Variants in ZNF670 observed in about 807,000 individuals in gnomAD.
ZNF670 encodes zinc finger protein 670.
In ZNF670, 7 loss-of-function variants were observed where a neutral mutation model predicts 10.9. That is an observed-to-expected ratio of 0.64 (90% CI 0.36 to 1.20). The LOEUF (loss-of-function observed/expected upper bound fraction) is 1.20. Among genes scored for constraint, ZNF670 ranks in the 50% most tolerant of loss-of-function variants. The probability of loss-of-function intolerance (pLI) is 0.02; values close to 1 mark genes in which losing one functional copy is unlikely to be tolerated. For missense variants in ZNF670, 446 were observed against 458.6 expected, an observed-to-expected ratio of 0.97 and a Z score of 0.25; for synonymous variants, 136 against 152.7, an observed-to-expected ratio of 0.89 and a Z score of 0.81.
At chr1:247,058,702 A>G (rs1333695399) in intron 1 of ZNF670, among the ~76,000 whole-genome samples, 1 of 140,280 alleles carries the variant, frequency 7.1e-6, no homozygotes, top group East Asian at 2.0e-4. Context: ...CTAATCCTAC[A>G]GACAGTTAAA....
chr1:247,058,125 T>C (rs1670763050), intron 1 of ZNF670, among the ~76,000 whole-genome samples: 1 of 152,194 alleles, frequency 6.6e-6, no homozygotes, highest in African/African-American at 2.4e-5. Context: ...ACCTAGTATG[T>C]ACCCACAAAA....
rs1670188973 is a variant in ZNF670, at chr1:247,037,580, T to A, written c.1039A>T (p.Thr347Ser). Residue 347 changes from threonine (T) to serine (S), a missense_variant, in exon 4 of 4, where the codon ACT becomes TCT. Thr to Ser is a moderately conservative substitution (Grantham distance 58). Coordinates refer to ENST00000366503, the MANE Select transcript of ZNF670 (RefSeq NM_033213.5). ...YGCKECGKSF[T>S]SSSALRSHER... ...TGGCTTCGAAGGGCACTGGAAGAAGTAAACGACTTACCACATTCCTTACAT... is the reference window on the plus strand; with the variant it reads ...TGGCTTCGAAGGGCACTGGAAGAAGAAAACGACTTACCACATTCCTTACAT... 6.2e-7 allele frequency: 1 copy of A among 1,614,136 alleles called. No individual in the cohort carries two copies. The highest frequency in any genetic ancestry group is 8.5e-7 in the Non-Finnish European group (1 of 1,180,008).
In ZNF670 at chr1:247,038,205, C is replaced by A. The variant is rs919806990; in HGVS notation, c.414G>T (p.Glu138Asp). 5 of 1,614,082 alleles carry A rather than the reference C, an allele frequency of 3.1e-6. No individual in the cohort carries two copies. The highest frequency in any genetic ancestry group is 4.2e-6 in the Non-Finnish European group (5 of 1,180,036). The stretch of plus-strand genomic sequence containing the variant: ...CACATTGTTTGCAATGATATAACTT[C>A]TCTGGACATTCCTCACACTCAAATA... ...NKLFECEECP[E>D]KLYHCKQCGK... Residue 138 changes from glutamate (E) to aspartate (D), a missense_variant, in exon 4 of 4, where the codon GAG becomes GAT. Physicochemically the swap from Glu to Asp is conservative, Grantham distance 45. Coordinates refer to ENST00000366503, the MANE Select transcript of ZNF670 (RefSeq NM_033213.5).
intron 1 of ZNF670, among the ~76,000 whole-genome samples, chr1:247,073,624 C>T (rs1267419193): frequency 6.6e-6 from 1 of 152,200 alleles, no homozygotes; most frequent in Non-Finnish European, 1.5e-5. Flanking sequence ...ATCTGTGAGT[C>T]CTTTTTCTGA....
chr1:247,064,728 C>T (rs1388050478), intron 1 of ZNF670, among the ~76,000 whole-genome samples: 4 of 152,190 alleles, frequency 2.6e-5, no homozygotes, highest in Non-Finnish European at 5.9e-5. Flanking sequence ...CAATTCGGGA[C>T]GAGGCTGTTG....
At chr1:247,072,894 G>A (rs1671172204) in intron 1 of ZNF670, among the ~76,000 whole-genome samples, 1 of 142,108 alleles carries the variant, frequency 7.0e-6, no homozygotes, top group Non-Finnish European at 1.5e-5. Context: ...CAGTATTAAT[G>A]GTGTACTAAT....
chr1:247,075,292 T>C (rs1475103670), intron 1 of ZNF670, among the ~76,000 whole-genome samples: 1 of 152,236 alleles, frequency 6.6e-6, no homozygotes, highest in Non-Finnish European at 1.5e-5. Flanking sequence ...TTATCCACTG[T>C]TATAAATTCT....
intron 1 of ZNF670, among the ~76,000 whole-genome samples, chr1:247,058,674 G>C (rs968595499): frequency 6.9e-6 from 1 of 143,898 alleles, no homozygotes; most frequent in Non-Finnish European, 1.5e-5. Context: ...AGAAATAAAA[G>C]AGGTTCCATC....
chr1:247,077,389 G>C (rs1158012954), intron 1 of ZNF670, among the ~76,000 whole-genome samples: 1 of 152,166 alleles, frequency 6.6e-6, no homozygotes, highest in Non-Finnish European at 1.5e-5. Context: ...AAAGATATAA[G>C]GGTGGCTGAG....
At chr1:247,045,750 A>C (rs983057290) in intron 1 of ZNF670, among the ~76,000 whole-genome samples, 7 of 152,220 alleles carry the variant, frequency 4.6e-5, no homozygotes, top group Non-Finnish European at 2.9e-5. Context: ...GGTAACATGC[A>C]GAAGCTGGAA....
intron 1 of ZNF670, among the ~76,000 whole-genome samples, chr1:247,072,138 T>A (rs1399800050): frequency 6.6e-6 from 1 of 151,578 alleles, no homozygotes; most frequent in East Asian, 1.9e-4. Flanking sequence ...ATTACAGGTG[T>A]CAGCCACTGC....
chr1:247,035,530 T>C lies in ZNF670; in HGVS notation c.*1919A>G, dbSNP rs781131739. ...AGGCTACAGACTGATAAGATCAAAATAGTATGTTATAATGCCATAATCCTG... is the reference window on the plus strand; with the variant it reads ...AGGCTACAGACTGATAAGATCAAAACAGTATGTTATAATGCCATAATCCTG... On this transcript the variant is annotated 3_prime_UTR_variant, in exon 4 of 4. Transcript: ENST00000366503. Among the ~76,000 whole-genome samples, 1 of 152,332 alleles carries C rather than the reference T, an allele frequency of 6.6e-6. No homozygotes were observed. Among genetic ancestry groups the C allele is most frequent in the Non-Finnish European group, 1.5e-5 (1 of 68,026 alleles).
intron 3 of ZNF670, 63 bp downstream of exon 3, chr1:247,038,747 A>T: frequency 7.0e-7 from 1 of 1,434,242 alleles, no homozygotes; most frequent in Non-Finnish European, 9.6e-7. Flanking sequence ...TGTCTGTTTT[A>T]AAAACTTATG....
intron 3 of ZNF670, 51 bp downstream of exon 3, chr1:247,038,754 TATGAC>T: frequency 1.4e-6 from 2 of 1,467,542 alleles, no homozygotes; most frequent in Non-Finnish European, 1.9e-6. Flanking sequence ...TTTAAAAACT[TATGAC>T]ATGCTAAGAT....
chr1:247,056,464 T>G (rs765448061), intron 1 of ZNF670, among the ~76,000 whole-genome samples: 16 of 152,162 alleles, frequency 1.1e-4, no homozygotes, highest in Non-Finnish European at 2.2e-4. Context: ...GAAAAACTTC[T>G]AAAAACAAAT....
At chr1:247,044,230 AT>A (rs775333221) in intron 1 of ZNF670, among the ~76,000 whole-genome samples, 4 of 152,152 alleles carry the variant, frequency 2.6e-5, no homozygotes, top group Non-Finnish European at 4.4e-5. Flanking sequence ...GGAAGGAGCA[AT>A]AAAAGGAGAA....
rs1670184275 is a variant in ZNF670 at position 247,037,444 on chromosome 1, G to A, written c.*5C>T. 6.3e-7 allele frequency: 1 copy of A among 1,584,070 alleles called. No individual in the cohort carries two copies. Among genetic ancestry groups the A allele is most frequent in the African/African-American group, 1.4e-5 (1 of 73,488 alleles). On this transcript the variant is annotated 3_prime_UTR_variant, in exon 4 of 4. Coordinates refer to ENST00000366503, the MANE Select transcript of ZNF670 (RefSeq NM_033213.5). The stretch of plus-strand genomic sequence containing the variant: ...TTGACAGAGGTGTTTTGTTGTTGTT[G>A]TTTTTTACCACATATAAGCTCTTTC...
chr1:247,036,757 CAT>C lies in ZNF670; in HGVS notation c.*690_*691del, dbSNP rs1670159844. On this transcript the variant is annotated 3_prime_UTR_variant, in exon 4 of 4. Coordinates refer to ENST00000366503, the MANE Select transcript of ZNF670 (RefSeq NM_033213.5). ...GAAAGAAAATGAAAATAACAATGTA[CAT>C]GAGACTATATAAACTTCACATACAT... 1 of 152,064 alleles carries C rather than the reference CAT, an allele frequency of 6.6e-6. No individual in the cohort carries two copies. Among genetic ancestry groups the C allele is most frequent in the Non-Finnish European group, 1.5e-5 (1 of 68,018 alleles). The allele number at this position is 152,064 out of a possible 1,614,324, so 9.4% of individuals were successfully genotyped here.
chr1:247,039,831 A>T (rs1397426714), intron 1 of ZNF670, among the ~76,000 whole-genome samples: 1 of 152,214 alleles, frequency 6.6e-6, no homozygotes, highest in Non-Finnish European at 1.5e-5. Context: ...TTCTATGTGT[A>T]GATTTTATCT....
Sources: allele counts gnomAD v4.1 joint callset (sites outside exome capture counted in the v4.1 genomes callset), GRCh38; gene constraint gnomAD v4.1.1; transcripts MANE v1.5; gene names NCBI Gene and HGNC (gene_info 2026-07-23, HGNC 2026-07-21).